Variants in CCBE1 observed in about 807,000 individuals in gnomAD.
CCBE1 encodes the protein collagen and calcium binding EGF domains 1.
In CCBE1, 37 loss-of-function variants were observed where a neutral mutation model predicts 50.0. The ratio of observed to expected loss-of-function variants is 0.74; its 90% confidence interval spans 0.57 to 0.97. The LOEUF (loss-of-function observed/expected upper bound fraction) is 0.97. Ranked by LOEUF, CCBE1 falls within the 50% of genes least tolerant of loss-of-function variation. CCBE1 has a pLI of 0.00. For synonymous variants in CCBE1, 234 were observed against 203.7 expected, an observed-to-expected ratio of 1.15 and a Z score of -1.27; for missense variants, 538 against 523.8, an observed-to-expected ratio of 1.03 and a Z score of -0.26.
intron 2 of CCBE1, among the ~76,000 whole-genome samples, chr18:59,679,876 C>T (rs1009422698): frequency 2.0e-5 from 3 of 152,068 alleles, no homozygotes; most frequent in South Asian, 2.1e-4. Flanking sequence ...CAACTTGAGG[C>T]GGGGACGGAG....
At chr18:59,581,152 G>C (rs1433086101) in intron 2 of CCBE1, among the ~76,000 whole-genome samples, 1 of 152,092 alleles carries the variant, frequency 6.6e-6, no homozygotes, top group Admixed American at 6.6e-5. Context: ...CAATGTTCAA[G>C]GCACTCCCAC....
At chr18:59,587,828 G>T (rs1485253239) in intron 2 of CCBE1, among the ~76,000 whole-genome samples, 1 of 152,162 alleles carries the variant, frequency 6.6e-6, no homozygotes, top group African/African-American at 2.4e-5. Flanking sequence ...TAGCAAGTTT[G>T]CTAGATAAAA....
At chr18:59,478,604 G>T (rs1912422563) in intron 3 of CCBE1, among the ~76,000 whole-genome samples, 1 of 152,182 alleles carries the variant, frequency 6.6e-6, no homozygotes, top group African/African-American at 2.4e-5. Flanking sequence ...GGATGAGGGA[G>T]ACTACTTTTA....
intron 2 of CCBE1, among the ~76,000 whole-genome samples, chr18:59,511,884 C>T (rs1020701960): frequency 2.0e-5 from 3 of 152,200 alleles, no homozygotes; most frequent in African/African-American, 7.2e-5. Context: ...ATGGAACAGA[C>T]TCGGAATCCA....
chr18:59,444,585 T>C (rs578164506), intron 7 of CCBE1, among the ~76,000 whole-genome samples: 5 of 152,200 alleles, frequency 3.3e-5, no homozygotes, highest in Non-Finnish European at 7.4e-5. Flanking sequence ...GTTGTTTTCA[T>C]GGCTCACTGT....
intron 2 of CCBE1, among the ~76,000 whole-genome samples, chr18:59,628,564 G>A (rs560220729): frequency 2.0e-5 from 3 of 152,174 alleles, no homozygotes; most frequent in Admixed American, 6.5e-5. Context: ...TAACCACCGC[G>A]ATGTCCATGG....
intron 2 of CCBE1, among the ~76,000 whole-genome samples, chr18:59,652,475 C>T (rs1287635358): frequency 1.8e-5 from 2 of 108,442 alleles, no homozygotes; most frequent in African/African-American, 5.8e-5. Flanking sequence ...CAAACTGACT[C>T]CCCCCCTTTT....
Position 59,438,077 on chromosome 18 carries a change from C to G in CCBE1, c.987+34G>C, listed in dbSNP as rs202027121. On this transcript the variant is annotated intron_variant, in intron 10 of 10. Coordinates refer to ENST00000439986, the MANE Select transcript of CCBE1 (RefSeq NM_133459.4). ...TCAGAGCTGCATCCCTGAGAACGTT[C>G]CCCTGGGGAAGCAGGACACAGAGTG... 4.0e-5 allele frequency: 65 copies of G among 1,612,400 alleles called. No homozygotes were observed. The African/African-American group carries it at 6.0e-4, about 15-fold the overall frequency.
chr18:59,468,195 G>A (rs1329850883), intron 4 of CCBE1, among the ~76,000 whole-genome samples: 1 of 152,172 alleles, frequency 6.6e-6, no homozygotes, highest in Non-Finnish European at 1.5e-5. Context: ...GCCAGACTGA[G>A]CAACATAGTA....
chr18:59,557,992 C>T (rs1181328922), intron 2 of CCBE1, among the ~76,000 whole-genome samples: 1 of 151,862 alleles, frequency 6.6e-6, no homozygotes, highest in Non-Finnish European at 1.5e-5. Flanking sequence ...AAAGACATAA[C>T]ATGGTAAGTG....
chr18:59,670,478 A>G (rs1057344701), intron 2 of CCBE1, among the ~76,000 whole-genome samples: 4 of 152,208 alleles, frequency 2.6e-5, no homozygotes, highest in African/African-American at 9.6e-5. Flanking sequence ...AGCTTCTTTC[A>G]TAATGAGGAT....
intron 2 of CCBE1, among the ~76,000 whole-genome samples, chr18:59,562,541 CT>C (rs1220468900): frequency 5.9e-5 from 9 of 152,200 alleles, no homozygotes; most frequent in African/African-American, 2.2e-4. Context: ...TGTCAGTCCC[CT>C]GATCTTTTCA....
At chr18:59,574,268 G>T (rs73961256) in intron 2 of CCBE1, among the ~76,000 whole-genome samples, 2,285 of 152,296 alleles carry the variant, frequency 0.015, 59 homozygotes, top group African/African-American at 0.052. Context: ...AGAATTTATA[G>T]TACGGTTAGT....
At chr18:59,477,959 C>A (rs780120652) in intron 3 of CCBE1, among the ~76,000 whole-genome samples, 6 of 152,176 alleles carry the variant, frequency 3.9e-5, no homozygotes, top group Non-Finnish European at 8.8e-5. Context: ...CTACGTGCTT[C>A]TGTGAAGATA....
At chr18:59,596,218 C>T (rs1414056420) in intron 2 of CCBE1, among the ~76,000 whole-genome samples, 1 of 152,136 alleles carries the variant, frequency 6.6e-6, no homozygotes, top group African/African-American at 2.4e-5. Context: ...CAGTGTTTGG[C>T]AGCAAGGAGG....
At chr18:59,497,871 C>T (rs985240916) in intron 2 of CCBE1, among the ~76,000 whole-genome samples, 3 of 152,200 alleles carry the variant, frequency 2.0e-5, no homozygotes, top group South Asian at 2.1e-4. Flanking sequence ...CCAATCCAGC[C>T]GCCTCTGTCT....
chr18:59,475,379 C>T (rs655894), intron 3 of CCBE1, among the ~76,000 whole-genome samples: 131,119 of 152,224 alleles, frequency 0.86, 56,556 homozygotes, highest in East Asian at 0.96. Flanking sequence ...TGGTTCGCTC[C>T]TGTATTTAAG....
chr18:59,679,399 C>T (rs1236516006), intron 2 of CCBE1, among the ~76,000 whole-genome samples: 3 of 152,068 alleles, frequency 2.0e-5, no homozygotes, highest in African/African-American at 4.8e-5. Flanking sequence ...ATGACAATTC[C>T]GGTAACATAT....
chr18:59,569,016 T>G (rs188586862), intron 2 of CCBE1, among the ~76,000 whole-genome samples: 60 of 152,326 alleles, frequency 3.9e-4, no homozygotes, highest in African/African-American at 1.4e-3. Context: ...TCACTGGCTG[T>G]TTCCACTCTC....
Sources: gnomAD v4.1 joint callset for allele counts (sites outside exome capture counted in the v4.1 genomes callset) on GRCh38, gnomAD v4.1.1 for gene constraint, MANE v1.5 for transcripts, NCBI Gene and HGNC (gene_info 2026-07-23, HGNC 2026-07-21) for gene names.